The following PHF21B variants were observed in gnomAD, a reference collection of about 807,000 sequenced individuals.
The protein encoded by PHF21B is PHD finger protein 21B, also known as PHD finger protein 4.
Under a neutral mutation model 62.2 loss-of-function variants are expected in PHF21B, and 22 were observed. The ratio of observed to expected loss-of-function variants is 0.35; its 90% confidence interval spans 0.25 to 0.51. The LOEUF is 0.51. PHF21B is among the 20% of genes least tolerant of loss of function. The probability of loss-of-function intolerance (pLI) is 0.97; values close to 1 mark genes in which losing one functional copy is unlikely to be tolerated. For synonymous variants in PHF21B, 341 were observed against 314.7 expected (o/e 1.08, Z -0.88); for missense variants, 701 against 707.9 (o/e 0.99, Z 0.11).
Position 44,885,479 on chromosome 22 carries a change from T to C in PHF21B, c.1324A>G (p.Asn442Asp), listed in dbSNP as rs1044057310. 5 of 1,600,296 alleles carry C rather than the reference T, an allele frequency of 3.1e-6. No homozygotes were observed. In the African/African-American group the frequency reaches 6.7e-5, roughly 21 times the overall value. ...KLLQRGSELQNEHQQLEERDR... is the reference protein window; with the variant it reads ...KLLQRGSELQDEHQQLEERDR... ...CGCTCCTCCAGCTGCTGGTGCTCGT[T>C]CTGCAGCTCACTGCCTCGTTGCAGC... is the stretch of plus-strand genomic sequence containing the variant. The change falls in exon 12 of 13, where the codon AAC becomes GAC. Residue 442 changes from asparagine to aspartate, a missense_variant. Asn to Asp is a conservative substitution (Grantham distance 23). Transcript: ENST00000313237.
At chr22:44,964,466 A>T (rs913725550) in intron 2 of PHF21B, among the ~76,000 whole-genome samples, 5 of 151,452 alleles carry the variant, frequency 3.3e-5, no homozygotes, top group African/African-American at 1.2e-4. Context: ...GAGGAGGACC[A>T]CTCCCAAACC....
intron 5 of PHF21B, among the ~76,000 whole-genome samples, chr22:44,896,889 T>TTTTTTGTTTTTC (rs1440181401): frequency 6.9e-6 from 1 of 144,248 alleles, no homozygotes; most frequent in Non-Finnish European, 1.5e-5. Flanking sequence ...TGTTTTTTTT[T>TTTTTTGTTTTTC]TTTTTTTGAG....
chr22:45,009,097 T>A lies in PHF21B; in HGVS notation c.54+399A>T. The A allele has an allele frequency of 2.0e-6, 2 of 982,594 alleles. No individual in the cohort carries two copies. Among genetic ancestry groups the A allele is most frequent in the Non-Finnish European group, 1.3e-6 (1 of 787,344 alleles). The allele number at this position is 982,594 out of a possible 1,614,324, so 60.9% of individuals were successfully genotyped here. A position where few individuals can be genotyped will look rare whatever the true frequency, so the allele number is the denominator to read the frequency against. On this transcript the variant is annotated intron_variant, in intron 1 of 12. Transcript: ENST00000313237. The surrounding 1 kb of genome is among the most constrained non-coding windows in gnomAD (Gnocchi z 5.9). ...GCTCGCCAGCAGCGATCGCCAAAAC[T>A]ACTTCTGCACACCGGGCAGGTTCGC...
At chr22:44,977,233 C>CT (rs35019000) in intron 2 of PHF21B, among the ~76,000 whole-genome samples, 29,455 of 151,452 alleles carry the variant, frequency 0.19, 3,083 homozygotes, top group African/African-American at 0.26. Flanking sequence ...CATTCCCAGA[C>CT]TTTTTTTTTA....
Position 45,008,548 on chromosome 22 carries a change from T to C in PHF21B, c.117A>G (p.Lys39=), listed in dbSNP as rs756114199. The change falls in exon 2 of 13, where the codon AAA becomes AAG. Residue 39 remains lysine, a synonymous_variant. Transcript: ENST00000313237. The part of the protein sequence containing the change: ...RQPRIAALSD[K]QALGTITAVP... Reference sequence around the variant, plus strand: ...GGGCCGCGATCCCATCGCTTACTTGTTTGTCGCTGAGCGCGGCGATCCGCG... The same window carrying C: ...GGGCCGCGATCCCATCGCTTACTTGCTTGTCGCTGAGCGCGGCGATCCGCG... 6.3e-7 allele frequency: 1 copy of C among 1,579,434 alleles called. No individual in the cohort carries two copies. Among genetic ancestry groups the C allele is most frequent in the Non-Finnish European group, 8.6e-7 (1 of 1,162,790 alleles).
chr22:44,895,144 C>T (rs1305330043), intron 6 of PHF21B, among the ~76,000 whole-genome samples: 1 of 152,160 alleles, frequency 6.6e-6, no homozygotes, highest in Non-Finnish European at 1.5e-5. Context: ...GGAATACGTT[C>T]TGGGTTGGGA....
intron 3 of PHF21B, 74 bp from the exon 4 acceptor site, chr22:44,916,704 G>A (rs573104923): frequency 9.1e-6 from 12 of 1,325,860 alleles, no homozygotes; most frequent in African/African-American, 1.4e-5. Context: ...GCCCTGGCTC[G>A]GAGACTTCCT....
At chr22:44,901,137 G>A (rs575839098) in intron 5 of PHF21B, among the ~76,000 whole-genome samples, 92 of 152,290 alleles carry the variant, frequency 6.0e-4, no homozygotes, top group African/African-American at 2.1e-3. Flanking sequence ...CCAGCAGCTC[G>A]GCCAATCAGT....
rs193139932 is a variant in PHF21B at position 45,009,089 on chromosome 22, G to A, written c.54+407C>T. On this transcript the variant is annotated intron_variant, in intron 1 of 12. Coordinates refer to ENST00000313237, the MANE Select transcript of PHF21B (RefSeq NM_138415.5). This position sits in a 1 kb window ranked among gnomAD's most constrained non-coding sequence, Gnocchi z 5.9. ...ACGCCGCCGCTCGCCAGCAGCGATCGCCAAAACTACTTCTGCACACCGGGC... is the reference window on the plus strand; with the variant it reads ...ACGCCGCCGCTCGCCAGCAGCGATCACCAAAACTACTTCTGCACACCGGGC... 5.6e-4 allele frequency: 594 copies of A among 1,055,588 alleles called. 1 individual carries two copies. In the African/African-American group the frequency reaches 9.0e-3, roughly 16 times the overall value. 65.4% of individuals were successfully genotyped at this position (1,055,588 alleles called of 1,614,324 possible).
chr22:44,996,438 C>T (rs1428115489), intron 2 of PHF21B, among the ~76,000 whole-genome samples: 1 of 152,140 alleles, frequency 6.6e-6, no homozygotes, highest in Non-Finnish European at 1.5e-5. Context: ...CAGCTCTCAT[C>T]ATCAGGGTAT....
chr22:44,982,646 G>A (rs980070674), intron 2 of PHF21B, among the ~76,000 whole-genome samples: 5 of 152,182 alleles, frequency 3.3e-5, no homozygotes, highest in African/African-American at 9.7e-5. Flanking sequence ...CTCAACTCCC[G>A]TCAAATGAGG....
intron 2 of PHF21B, chr22:45,002,970 C>T (rs1163645210): frequency 6.6e-6 from 1 of 152,250 alleles, no homozygotes; most frequent in Admixed American, 6.5e-5. Flanking sequence ...CCCAGGCAAC[C>T]CCCTCCCGGA....
chr22:44,997,643 T>C (rs1400237867), intron 2 of PHF21B, among the ~76,000 whole-genome samples: 1 of 152,230 alleles, frequency 6.6e-6, no homozygotes, highest in African/African-American at 2.4e-5. Context: ...CTAATATGTA[T>C]ATATTTTTAA....
At chr22:44,998,386 A>G (rs1297696405) in intron 2 of PHF21B, among the ~76,000 whole-genome samples, 1 of 152,206 alleles carries the variant, frequency 6.6e-6, no homozygotes, top group Non-Finnish European at 1.5e-5. Context: ...AACAAACACA[A>G]TAGGTTTCTC....
intron 2 of PHF21B, among the ~76,000 whole-genome samples, chr22:44,980,649 A>C (rs75149755): frequency 6.6e-6 from 1 of 152,212 alleles, no homozygotes; most frequent in Admixed American, 6.5e-5. Context: ...AAATCCATAC[A>C]AGTCAAGCCA....
intron 2 of PHF21B, among the ~76,000 whole-genome samples, chr22:44,981,377 C>T (rs1426641640): frequency 6.6e-6 from 1 of 152,198 alleles, no homozygotes; most frequent in African/African-American, 2.4e-5. Context: ...CTGCACTCCC[C>T]GCCTCACTCA....
Position 44,963,405 on chromosome 22 carries a change from T to G in PHF21B, c.121-42915A>C, listed in dbSNP as rs192606043. ...TCAGCCCTCACTGTTAAGGATTTTG[T>G]TTTTTTACCTAGAAATAAAGTGACT... On this transcript the variant is annotated intron_variant, in intron 2 of 12. Coordinates refer to ENST00000313237, the MANE Select transcript of PHF21B (RefSeq NM_138415.5). 3.9e-3 allele frequency among the ~76,000 whole-genome samples: 589 copies of G among 152,288 alleles called. 3 individuals carry two copies. Among genetic ancestry groups the G allele is most frequent in the Admixed American group, 6.7e-3 (102 of 15,302 alleles).
chr22:44,975,753 G>C (rs938656056), intron 2 of PHF21B, among the ~76,000 whole-genome samples: 2 of 152,254 alleles, frequency 1.3e-5, no homozygotes, highest in South Asian at 4.1e-4. Flanking sequence ...TGAACCAGCA[G>C]GGCTCTTGGG....
chr22:45,004,053 T>G (rs191305701), intron 2 of PHF21B, among the ~76,000 whole-genome samples: 1 of 150,904 alleles, frequency 6.6e-6, no homozygotes, highest in Admixed American at 6.6e-5. Context: ...AGAGACAGAG[T>G]AGATTAGTGG....
Sources: gnomAD v4.1 joint callset for allele counts (sites outside exome capture counted in the v4.1 genomes callset) on GRCh38, gnomAD v4.1.1 for gene constraint, Gnocchi (gnomAD v3.1) non-coding constraint, MANE v1.5 for transcripts, NCBI Gene and HGNC (gene_info 2026-07-23, HGNC 2026-07-21) for gene names.